CAMK2D: variants seen among roughly 807,000 people sequenced by gnomAD.
The protein encoded by CAMK2D is calcium/calmodulin-dependent protein kinase type II subunit delta.
In CAMK2D, 37 loss-of-function variants were observed where a neutral mutation model predicts 84.0. The observed-to-expected ratio is 0.44, with a 90% CI of 0.34 to 0.58. CAMK2D has a LOEUF of 0.58. Among genes scored for constraint, CAMK2D ranks in the 20% least tolerant of loss-of-function variants. The pLI, the probability that CAMK2D is intolerant of heterozygous loss-of-function variation, is 0.02. For missense variants in CAMK2D, 448 were observed against 652.5 expected (o/e 0.69, Z 3.41); for synonymous variants, 202 against 212.5 (o/e 0.95, Z 0.43).
At chr4:113,597,698 A>G (rs1056992353) in intron 4 of CAMK2D, among the ~76,000 whole-genome samples, 5 of 152,220 alleles carry the variant, frequency 3.3e-5, no homozygotes, top group African/African-American at 1.2e-4. Context: ...CTTTGCATTC[A>G]CAACTCAGCT....
chr4:113,688,910 C>CAAAAAAA (rs34196728), intron 2 of CAMK2D, among the ~76,000 whole-genome samples: 4 of 49,708 alleles, frequency 8.0e-5, no homozygotes, highest in Middle Eastern at 0.031. Flanking sequence ...AAAGAAGATG[C>CAAAAAAA]AAAAAAAAAA....
chr4:113,679,001 C>G (rs2099329605), intron 2 of CAMK2D, among the ~76,000 whole-genome samples: 1 of 152,112 alleles, frequency 6.6e-6, no homozygotes, highest in African/African-American at 2.4e-5. Context: ...ATTCTGATTT[C>G]TAATAGCAGA....
intron 3 of CAMK2D, among the ~76,000 whole-genome samples, chr4:113,659,077 T>C (rs934895038): frequency 2.0e-5 from 3 of 152,174 alleles, no homozygotes; most frequent in African/African-American, 4.8e-5. Context: ...CTGTATGTAG[T>C]GTCAAAATGA....
intron 3 of CAMK2D, among the ~76,000 whole-genome samples, chr4:113,652,182 A>C (rs1263829130): frequency 6.6e-6 from 1 of 152,174 alleles, no homozygotes; most frequent in Non-Finnish European, 1.5e-5. Context: ...CCATTTACTA[A>C]CTGCCTGATC....
At chr4:113,610,869 T>C (rs1239629435) in intron 3 of CAMK2D, among the ~76,000 whole-genome samples, 2 of 152,162 alleles carry the variant, frequency 1.3e-5, no homozygotes, top group African/African-American at 2.4e-5. Context: ...CTTCAGTATA[T>C]AGTCTCGTCA....
intron 8 of CAMK2D, among the ~76,000 whole-genome samples, chr4:113,525,687 T>C (rs2098411548): frequency 6.6e-6 from 1 of 152,328 alleles, no homozygotes. Context: ...ATTATACCAA[T>C]GCCCTGCTTC....
chr4:113,629,739 T>C (rs2099081961), intron 3 of CAMK2D, among the ~76,000 whole-genome samples: 1 of 149,742 alleles, frequency 6.7e-6, no homozygotes, highest in Non-Finnish European at 1.5e-5. Flanking sequence ...TGGATGATAA[T>C]ATATATCAAA....
intron 16 of CAMK2D, among the ~76,000 whole-genome samples, chr4:113,495,347 G>A (rs1321142889): frequency 3.3e-5 from 5 of 152,106 alleles, no homozygotes; most frequent in Admixed American, 6.5e-5. Flanking sequence ...GATTTTTCTG[G>A]AAGTGAGAAA....
intron 2 of CAMK2D, among the ~76,000 whole-genome samples, chr4:113,711,836 A>G (rs2099493737): frequency 6.6e-6 from 1 of 152,148 alleles, no homozygotes; most frequent in South Asian, 2.1e-4. Context: ...AGGTTGTGTG[A>G]TTTCTAATTG....
intron 2 of CAMK2D, among the ~76,000 whole-genome samples, chr4:113,662,144 T>C (rs1039792648): frequency 1.3e-5 from 2 of 152,164 alleles, no homozygotes; most frequent in Non-Finnish European, 2.9e-5. Context: ...TATATGGAAA[T>C]TGAATTGCCA....
intron 15 of CAMK2D, 84 bp downstream of exon 15, chr4:113,502,852 T>A: frequency 1.0e-6 from 1 of 978,896 alleles, no homozygotes; most frequent in Non-Finnish European, 1.6e-6. Context: ...TTTCCTATTT[T>A]TAGATAACGA....
intron 8 of CAMK2D, among the ~76,000 whole-genome samples, chr4:113,524,272 C>A (rs1226086454): frequency 6.6e-6 from 1 of 152,178 alleles, no homozygotes; most frequent in Non-Finnish European, 1.5e-5. Context: ...CACTGAAACT[C>A]TATATACATG....
intron 16 of CAMK2D, among the ~76,000 whole-genome samples, chr4:113,492,586 TGTG>T (rs1316563335): frequency 1.3e-5 from 2 of 151,850 alleles, no homozygotes; most frequent in African/African-American, 2.4e-5. Context: ...TTGGAATAGG[TGTG>T]GTGTGGTGCT....
In CAMK2D at chr4:113,568,510, G is replaced by T. The variant is rs1307023278; in HGVS notation, c.276-16414C>A. ...ACATTTGTGTTGTTTCCACCTTTTG[G>T]CTATTTTGAATAATGCTGCTATAAA... On this transcript the variant is annotated intron_variant, in intron 4 of 20. Transcript: ENST00000511664. Among the ~76,000 whole-genome samples, 15 of 152,178 alleles carry T rather than the reference G, an allele frequency of 9.9e-5. 1 individual carries two copies. In the South Asian group the frequency reaches 3.1e-3, roughly 32 times the overall value.
chr4:113,568,724 T>C (rs1385771125), intron 4 of CAMK2D, among the ~76,000 whole-genome samples: 1 of 152,208 alleles, frequency 6.6e-6, no homozygotes, highest in Non-Finnish European at 1.5e-5. Context: ...CTCTATATCC[T>C]GGCCAACACT....
At chr4:113,691,491 A>G (rs934250343) in intron 2 of CAMK2D, among the ~76,000 whole-genome samples, 3 of 152,162 alleles carry the variant, frequency 2.0e-5, no homozygotes, top group African/African-American at 7.2e-5. Context: ...AGTGGCTCAC[A>G]CCTGTAATCC....
At chr4:113,616,740 A>G (rs989185352) in intron 3 of CAMK2D, among the ~76,000 whole-genome samples, 1 of 152,172 alleles carries the variant, frequency 6.6e-6, no homozygotes, top group Non-Finnish European at 1.5e-5. Context: ...CTAAAACAAT[A>G]TAAAAGTAAA....
At chr4:113,506,891 TCC>T (rs142027510) in intron 13 of CAMK2D, among the ~76,000 whole-genome samples, 1 of 147,274 alleles carries the variant, frequency 6.8e-6, no homozygotes, top group Non-Finnish European at 1.5e-5. Context: ...GTGCACATGT[TCC>T]CCCCCCCACA....
intron 4 of CAMK2D, among the ~76,000 whole-genome samples, chr4:113,586,856 C>T (rs2098836513): frequency 6.6e-6 from 1 of 152,060 alleles, no homozygotes; most frequent in Non-Finnish European, 1.5e-5. Context: ...ATGTTCAGGG[C>T]ATGCAGGTAA....
Sources: allele counts gnomAD v4.1 joint callset (sites outside exome capture counted in the v4.1 genomes callset), GRCh38; gene constraint gnomAD v4.1.1; transcripts MANE v1.5; gene names NCBI Gene and HGNC (gene_info 2026-07-23, HGNC 2026-07-21).